The following MACO1 variants were observed in gnomAD, a reference collection of about 807,000 sequenced individuals.
MACO1 encodes the protein macoilin 1.
Under a neutral mutation model 78.7 loss-of-function variants are expected in MACO1, and 14 were observed. The ratio of observed to expected loss-of-function variants is 0.18; its 90% CI spans 0.12 to 0.28. The LOEUF is 0.28. MACO1 is among the 10% of genes least tolerant of loss of function. The pLI, the probability that MACO1 is intolerant of heterozygous loss-of-function variation, is 1.00. For synonymous variants in MACO1, 288 were observed against 291.6 expected, an observed-to-expected ratio of 0.99 and a Z score of 0.12; for missense variants, 501 against 799.0, an observed-to-expected ratio of 0.63 and a Z score of 4.50.
At chr1:25,439,027 C>T (rs1479938856) in intron 1 of MACO1, among the ~76,000 whole-genome samples, 1 of 151,984 alleles carries the variant, frequency 6.6e-6, no homozygotes, top group East Asian at 1.9e-4. Flanking sequence ...AATTATATAA[C>T]AGCAATCATC....
intron 10 of MACO1, among the ~76,000 whole-genome samples, chr1:25,493,595 A>T (rs1165540571): frequency 6.6e-6 from 1 of 152,032 alleles, no homozygotes; most frequent in African/African-American, 2.4e-5. Flanking sequence ...AACATATTAC[A>T]TGTTAATATA....
intron 6 of MACO1, among the ~76,000 whole-genome samples, chr1:25,474,252 T>C (rs1371440832): frequency 6.6e-6 from 1 of 152,196 alleles, no homozygotes; most frequent in Non-Finnish European, 1.5e-5. Context: ...AAAAACTTTT[T>C]TTTTAACATC....
At chr1:25,472,282 G>A (rs1246710682) in intron 6 of MACO1, among the ~76,000 whole-genome samples, 6 of 152,036 alleles carry the variant, frequency 3.9e-5, no homozygotes, top group African/African-American at 1.2e-4. Flanking sequence ...TGTTACACAG[G>A]TACATACATG....
chr1:25,493,390 G>C (rs2043504813), intron 10 of MACO1, among the ~76,000 whole-genome samples: 1 of 151,652 alleles, frequency 6.6e-6, no homozygotes, highest in African/African-American at 2.4e-5. Context: ...ATAGGCATGT[G>C]CCACCATGCC....
rs79057411 is a variant in MACO1, at chr1:25,433,703, A to C, written c.80+2525A>C. Among the ~76,000 whole-genome samples the C allele has an allele frequency of 9.7e-3, 1,483 of 152,306 alleles. 27 individuals are homozygous for C. The highest frequency in any genetic ancestry group is 0.033 in the African/African-American group (1,387 of 41,552). ...GACCCAGGATCAGACTCAAAATCCC[A>C]GCTCTGCTGCTTTAGGCAGACAGGG... On this transcript the variant is annotated intron_variant, in intron 1 of 10. Transcript: ENST00000374343.
chr1:25,444,238 G>A (rs114717428), intron 1 of MACO1, among the ~76,000 whole-genome samples: 3,034 of 152,042 alleles, frequency 0.02, 106 homozygotes, highest in African/African-American at 0.068. Flanking sequence ...CAGCCTGGGT[G>A]ATAGAGTGAA....
At chr1:25,475,752 T>A (rs956957288) in intron 6 of MACO1, among the ~76,000 whole-genome samples, 3 of 152,214 alleles carry the variant, frequency 2.0e-5, no homozygotes, top group Non-Finnish European at 4.4e-5. Context: ...ATGCATATTA[T>A]ATCTGATTTT....
intron 3 of MACO1, among the ~76,000 whole-genome samples, chr1:25,449,512 T>G (rs1295382896): frequency 6.6e-6 from 1 of 152,202 alleles, no homozygotes; most frequent in Admixed American, 6.5e-5. Flanking sequence ...TCACTGTTTT[T>G]GGGCTCGTTG....
chr1:25,488,158 C>T (rs1413946034), intron 8 of MACO1, among the ~76,000 whole-genome samples: 1 of 152,172 alleles, frequency 6.6e-6, no homozygotes, highest in Non-Finnish European at 1.5e-5. Flanking sequence ...CTCAAGTTGT[C>T]CTCTTGCCTC....
At chr1:25,471,499 A>T (rs2043271172) in intron 6 of MACO1, among the ~76,000 whole-genome samples, 1 of 152,226 alleles carries the variant, frequency 6.6e-6, no homozygotes, top group South Asian at 2.1e-4. Flanking sequence ...AGTTTTTATA[A>T]CATGCTTATT....
intron 6 of MACO1, among the ~76,000 whole-genome samples, chr1:25,460,327 G>C (rs2043159873): frequency 6.6e-6 from 1 of 151,984 alleles, no homozygotes; most frequent in Admixed American, 6.6e-5. Flanking sequence ...TTCTATTTCA[G>C]AGGAATATCC....
At chr1:25,486,831 G>A (rs895006090) in intron 8 of MACO1, among the ~76,000 whole-genome samples, 41 of 152,240 alleles carry the variant, frequency 2.7e-4, no homozygotes, top group Non-Finnish European at 1.0e-4. Context: ...GACTTACAAG[G>A]CCCTTGACTA....
intron 1 of MACO1, among the ~76,000 whole-genome samples, chr1:25,441,927 G>A (rs1395136911): frequency 6.6e-6 from 1 of 152,184 alleles, no homozygotes; most frequent in Non-Finnish European, 1.5e-5. Context: ...TGATAAGTAC[G>A]GATTATCTGA....
intron 6 of MACO1, among the ~76,000 whole-genome samples, chr1:25,483,138 C>T (rs1463513332): frequency 6.6e-6 from 1 of 152,206 alleles, no homozygotes; most frequent in Non-Finnish European, 1.5e-5. Flanking sequence ...GCAACCTCCA[C>T]CTCCTGGGTT....
At chr1:25,445,268 C>T (rs1450514400) in intron 1 of MACO1, among the ~76,000 whole-genome samples, 1 of 149,900 alleles carries the variant, frequency 6.7e-6, no homozygotes, top group Non-Finnish European at 1.5e-5. Context: ...CATTGCACTC[C>T]ATCCTGGGAG....
chr1:25,486,331 A>G (rs144184861), intron 8 of MACO1, among the ~76,000 whole-genome samples: 1 of 152,336 alleles, frequency 6.6e-6, no homozygotes, highest in African/African-American at 2.4e-5. Flanking sequence ...ATGGAATTAC[A>G]TTTATGGCAT....
chr1:25,465,041 G>A (rs2043206569), intron 6 of MACO1, among the ~76,000 whole-genome samples: 1 of 150,278 alleles, frequency 6.7e-6, no homozygotes. Flanking sequence ...TTGAACTCCT[G>A]TGCTCAAGTG....
At chr1:25,434,418 T>C (rs1200796954) in intron 1 of MACO1, among the ~76,000 whole-genome samples, 1 of 152,236 alleles carries the variant, frequency 6.6e-6, no homozygotes, top group Non-Finnish European at 1.5e-5. Flanking sequence ...CCTACGTTGT[T>C]CAGGGAATTG....
chr1:25,442,448 G>A (rs2042980973), intron 1 of MACO1, among the ~76,000 whole-genome samples: 1 of 152,280 alleles, frequency 6.6e-6, no homozygotes, highest in Non-Finnish European at 1.5e-5. Flanking sequence ...AGGACCAAAT[G>A]AACTAAATGG....
Sources: gnomAD v4.1 joint callset for allele counts (sites outside exome capture counted in the v4.1 genomes callset) on GRCh38, gnomAD v4.1.1 for gene constraint, MANE v1.5 for transcripts, NCBI Gene and HGNC (gene_info 2026-07-23, HGNC 2026-07-21) for gene names.